The following ALCAM variants were observed in gnomAD, a reference collection of about 807,000 sequenced individuals.
The protein encoded by ALCAM is activated leukocyte cell adhesion molecule, also known as CD166 antigen.
Under a neutral mutation model 70.9 loss-of-function variants are expected in ALCAM, and 30 were observed. The ratio of observed to expected loss-of-function variants is 0.42; its 90% confidence interval spans 0.32 to 0.57. The LOEUF (loss-of-function observed/expected upper bound fraction) is 0.57. Ranked by LOEUF, ALCAM falls within the 20% of genes least tolerant of loss-of-function variation. The pLI, the probability that ALCAM is intolerant of heterozygous loss-of-function variation, is 0.11. For synonymous variants in ALCAM, 249 were observed against 242.5 expected, an observed-to-expected ratio of 1.03 and a Z score of -0.25; for missense variants, 591 against 695.1, an observed-to-expected ratio of 0.85 and a Z score of 1.68.
chr3:105,454,653 A>ATTTTTTTTTTT lies in ALCAM; in HGVS notation c.74-65390_74-65380dup, dbSNP rs59389132. On this transcript the variant is annotated intron_variant, in intron 1 of 15. Coordinates refer to ENST00000306107, the MANE Select transcript of ALCAM (RefSeq NM_001627.4). ...ATTGGCACATAGTAGATGCTCATTA[A>ATTTTTTTTTTT]TTTTTTTTTTTTTTTTTTTTTTTTT... 6.6e-4 allele frequency among the ~76,000 whole-genome samples: 41 copies of ATTTTTTTTTTT among 61,794 alleles called. 3 individuals are homozygous for ATTTTTTTTTTT. Among genetic ancestry groups the ATTTTTTTTTTT allele is most frequent in the Admixed American group, 8.8e-4 (3 of 3,420 alleles). 40.5% of individuals were successfully genotyped at this position (61,794 alleles called of 152,430 possible).
At chr3:105,421,380 CGT>C (rs1936648186) in intron 1 of ALCAM, among the ~76,000 whole-genome samples, 1 of 151,168 alleles carries the variant, frequency 6.6e-6, no homozygotes, top group Non-Finnish European at 1.5e-5. Context: ...TTGTGATGAA[CGT>C]AACACTGATA....
chr3:105,524,343 A>G lies in ALCAM; in HGVS notation c.229A>G (p.Ser77Gly), dbSNP rs777102845. 5 of 1,614,166 alleles carry G rather than the reference A, an allele frequency of 3.1e-6. No homozygotes were observed. In the South Asian group the frequency reaches 4.4e-5, roughly 14 times the overall value. ...FIAFRSSTKKSVQYDDVPEYK... is the reference protein window; with the variant it reads ...FIAFRSSTKKGVQYDDVPEYK... ...TGCCTTCAGATCCTCTACAAAGAAAAGTGTGCAGTACGACGATGTACCAGA... is the reference window on the plus strand; with the variant it reads ...TGCCTTCAGATCCTCTACAAAGAAAGGTGTGCAGTACGACGATGTACCAGA... Residue 77 changes from serine (S) to glycine (G), a missense_variant, in exon 3 of 16, where the codon AGT becomes GGT. Transcript: ENST00000306107.
At chr3:105,396,720 T>C (rs1935960316) in intron 1 of ALCAM, among the ~76,000 whole-genome samples, 1 of 152,024 alleles carries the variant, frequency 6.6e-6, no homozygotes, top group Non-Finnish European at 1.5e-5. Flanking sequence ...CAGCGATTAT[T>C]GGGATGGTTA....
intron 1 of ALCAM, among the ~76,000 whole-genome samples, chr3:105,433,202 T>G (rs1936976144): frequency 6.6e-6 from 1 of 152,156 alleles, no homozygotes; most frequent in Non-Finnish European, 1.5e-5. Flanking sequence ...TTCACCATTC[T>G]AGGTGCCCAA....
intron 1 of ALCAM, among the ~76,000 whole-genome samples, chr3:105,431,870 A>G (rs964592407): frequency 1.3e-5 from 2 of 152,184 alleles, no homozygotes; most frequent in Non-Finnish European, 2.9e-5. Flanking sequence ...ATTTAAAAGT[A>G]TGATAGTAAT....
chr3:105,399,261 C>A (rs2107367863), intron 1 of ALCAM, among the ~76,000 whole-genome samples: 1 of 152,094 alleles, frequency 6.6e-6, no homozygotes, highest in South Asian at 2.1e-4. Context: ...TATTTGCTGA[C>A]CTATTTTTTT....
At chr3:105,369,437 A>T (rs1390039061) in intron 1 of ALCAM, among the ~76,000 whole-genome samples, 2 of 152,118 alleles carry the variant, frequency 1.3e-5, no homozygotes, top group Non-Finnish European at 2.9e-5. Flanking sequence ...TGAGGATCCG[A>T]TATCGGCCCT....
At chr3:105,390,115 G>C (rs1463915725) in intron 1 of ALCAM, among the ~76,000 whole-genome samples, 2 of 152,006 alleles carry the variant, frequency 1.3e-5, no homozygotes, top group Non-Finnish European at 2.9e-5. Context: ...TAATGGGATG[G>C]CTGGGTCAAA....
intron 1 of ALCAM, among the ~76,000 whole-genome samples, chr3:105,512,632 G>T (rs888551591): frequency 6.6e-6 from 1 of 151,826 alleles, no homozygotes; most frequent in Non-Finnish European, 1.5e-5. Context: ...CTCCAGTTAA[G>T]CTAGTTCCCA....
At chr3:105,400,090 T>C (rs1280821690) in intron 1 of ALCAM, among the ~76,000 whole-genome samples, 5 of 152,156 alleles carry the variant, frequency 3.3e-5, no homozygotes, top group Admixed American at 6.6e-5. Flanking sequence ...AGCATAATAG[T>C]TGGAAGGGTT....
At position 105,553,650 on chromosome 3, in the gene ALCAM, G is replaced by A. The variant is rs76003234; in HGVS notation, c.1664+1065G>A. Among the ~76,000 whole-genome samples, 434 of 151,952 alleles carry A rather than the reference G, an allele frequency of 2.9e-3. 3 individuals carry two copies. The highest frequency in any genetic ancestry group is 9.8e-3 in the African/African-American group (405 of 41,502). On this transcript the variant is annotated intron_variant, in intron 14 of 15. Coordinates refer to ENST00000306107, the MANE Select transcript of ALCAM (RefSeq NM_001627.4). ...TATTCAAATGGAGCTGCCATCCAAG[G>A]GAGGCAGAAGCTCTGAAATTTTGAA...
intron 3 of ALCAM, chr3:105,525,071 G>A (rs1939661163): frequency 1.1e-6 from 1 of 920,322 alleles, no homozygotes; most frequent in Non-Finnish European, 1.3e-6. Context: ...TAGAGATATA[G>A]ATACATTTCC....
chr3:105,394,403 A>G (rs899833813), intron 1 of ALCAM, among the ~76,000 whole-genome samples: 1 of 151,892 alleles, frequency 6.6e-6, no homozygotes, highest in African/African-American at 2.4e-5. Flanking sequence ...TGATCTGGAA[A>G]TGACTGCATT....
At chr3:105,494,195 A>C (rs1419863726) in intron 1 of ALCAM, among the ~76,000 whole-genome samples, 1 of 152,194 alleles carries the variant, frequency 6.6e-6, no homozygotes, top group Admixed American at 6.5e-5. Flanking sequence ...GGAAAAAGCT[A>C]TTATATACTT....
At chr3:105,556,758 T>G (rs1351242323) in intron 14 of ALCAM, among the ~76,000 whole-genome samples, 1 of 151,996 alleles carries the variant, frequency 6.6e-6, no homozygotes, top group Non-Finnish European at 1.5e-5. Context: ...TATTTCCCAG[T>G]CAATACTCAG....
At chr3:105,571,439 T>A (rs1224612605) in intron 14 of ALCAM, among the ~76,000 whole-genome samples, 1 of 152,200 alleles carries the variant, frequency 6.6e-6, no homozygotes, top group Non-Finnish European at 1.5e-5. Flanking sequence ...CTGGGATACA[T>A]GATAGGGAAC....
chr3:105,459,209 C>T (rs947160014), intron 1 of ALCAM, among the ~76,000 whole-genome samples: 2 of 152,080 alleles, frequency 1.3e-5, no homozygotes, highest in African/African-American at 4.8e-5. Context: ...CTGGTGCTTC[C>T]GCATGAAATA....
At chr3:105,408,152 T>G (rs1936295721) in intron 1 of ALCAM, among the ~76,000 whole-genome samples, 1 of 151,694 alleles carries the variant, frequency 6.6e-6, no homozygotes, top group South Asian at 2.1e-4. Context: ...AATTTACAAA[T>G]TCAATGCAAT....
At chr3:105,570,128 T>A (rs1940830106) in intron 14 of ALCAM, among the ~76,000 whole-genome samples, 1 of 151,958 alleles carries the variant, frequency 6.6e-6, no homozygotes, top group African/African-American at 2.4e-5. Flanking sequence ...GGACAAGATA[T>A]TCAAAGAGTC....
Sources: allele counts gnomAD v4.1 joint callset (sites outside exome capture counted in the v4.1 genomes callset), GRCh38; gene constraint gnomAD v4.1.1; transcripts MANE v1.5; gene names NCBI Gene and HGNC (gene_info 2026-07-23, HGNC 2026-07-21).